LINGO2: variants seen among roughly 807,000 people sequenced by gnomAD.
LINGO2 encodes the protein leucine-rich repeat and immunoglobulin-like domain-containing nogo receptor-interacting protein 2.
In LINGO2, 14 loss-of-function variants were observed where a neutral mutation model predicts 30.6. The observed-to-expected ratio is 0.46, with a 90% CI of 0.30 to 0.72. The LOEUF (loss-of-function observed/expected upper bound fraction) is 0.72. Among genes scored for constraint, LINGO2 ranks in the 30% least tolerant of loss-of-function variants. LINGO2 has a pLI of 0.07. For synonymous variants in LINGO2, 317 were observed against 288.5 expected, an observed-to-expected ratio of 1.10 and a Z score of -1.00; for missense variants, 729 against 751.7, an observed-to-expected ratio of 0.97 and a Z score of 0.35.
Position 28,354,059 on chromosome 9 carries a change from G to A in LINGO2, c.-246+18777C>T, listed in dbSNP as rs547641124. 3.6e-3 allele frequency among the ~76,000 whole-genome samples: 548 copies of A among 152,124 alleles called. 5 individuals are homozygous for A. The highest frequency in any genetic ancestry group is 0.013 in the African/African-American group (523 of 41,482). On this transcript the variant is annotated intron_variant, in intron 3 of 5. Transcript: ENST00000379992. ...GGAGATATACCTAATGCTAGATGAC[G>A]AGTTAGTGGGTGCAGCGCACCAGCA...
chr9:28,138,886 A>G (rs1827596215), intron 4 of LINGO2, among the ~76,000 whole-genome samples: 1 of 152,188 alleles, frequency 6.6e-6, no homozygotes, highest in South Asian at 2.1e-4. Context: ...AGAAGGAGAG[A>G]GAAGTATCAA....
At chr9:28,042,748 TA>T (rs1313691037) in intron 4 of LINGO2, among the ~76,000 whole-genome samples, 1 of 152,200 alleles carries the variant, frequency 6.6e-6, no homozygotes, top group African/African-American at 2.4e-5. Flanking sequence ...AATATCATCT[TA>T]TATTCTTTAT....
rs767276801 is a variant in LINGO2 at position 28,021,540 on chromosome 9, CATT to C, written c.-86-9138_-86-9136del. 2.6e-4 allele frequency among the ~76,000 whole-genome samples: 39 copies of C among 152,054 alleles called. 1 individual carries two copies. Among genetic ancestry groups the C allele is most frequent in the Admixed American group, 9.8e-4 (15 of 15,260 alleles). On this transcript the variant is annotated intron_variant, in intron 4 of 5. Transcript: ENST00000379992. ...GTAGAGCTGTTTGGGTCAACTGTATCATTATTGATTGTCTGCCTGCTTGATTTA... is the reference window on the plus strand; with the variant it reads ...GTAGAGCTGTTTGGGTCAACTGTATCATTGATTGTCTGCCTGCTTGATTTA...
At chr9:28,391,703 A>G (rs771052669) in intron 2 of LINGO2, among the ~76,000 whole-genome samples, 1 of 151,978 alleles carries the variant, frequency 6.6e-6, no homozygotes, top group African/African-American at 2.4e-5. Context: ...TATTGCTGAT[A>G]TGCCCTTAAT....
At chr9:29,073,336 A>G in the LINGO2 span, among the ~76,000 whole-genome samples, 35,775 of 151,726 alleles carry the variant, frequency 0.24, 4,312 homozygotes, top group East Asian at 0.4. Context: ...CAGAGTACCT[A>G]TTATGTGTTA....
chr9:28,825,651 C>A, the LINGO2 span, among the ~76,000 whole-genome samples: 4 of 151,796 alleles, frequency 2.6e-5, no homozygotes, highest in Non-Finnish European at 4.4e-5. Context: ...TACATTAACC[C>A]TCCTGCAGTA....
At chr9:28,280,047 C>T (rs1277740119) in intron 4 of LINGO2, among the ~76,000 whole-genome samples, 1 of 152,028 alleles carries the variant, frequency 6.6e-6, no homozygotes, top group Non-Finnish European at 1.5e-5. Context: ...TATAAGATGG[C>T]AGATATTTAT....
intron 1 of LINGO2, among the ~76,000 whole-genome samples, chr9:28,629,271 G>A (rs992735789): frequency 2.0e-5 from 3 of 152,038 alleles, no homozygotes; most frequent in African/African-American, 7.2e-5. Flanking sequence ...GGGAGCCACT[G>A]GACAATTTCC....
chr9:28,989,541 A>G, the LINGO2 span, among the ~76,000 whole-genome samples: 2 of 152,152 alleles, frequency 1.3e-5, no homozygotes, highest in African/African-American at 2.4e-5. Context: ...ATATTCCACT[A>G]ATTCACTATA....
intron 4 of LINGO2, among the ~76,000 whole-genome samples, chr9:28,055,254 A>T (rs1053471582): frequency 3.3e-5 from 5 of 152,146 alleles, no homozygotes; most frequent in Non-Finnish European, 7.4e-5. Flanking sequence ...AGAAGCCTCA[A>T]ACTGATTTCC....
intron 4 of LINGO2, among the ~76,000 whole-genome samples, chr9:28,029,811 C>G (rs541042945): frequency 2.6e-5 from 4 of 152,294 alleles, no homozygotes; most frequent in African/African-American, 9.6e-5. Flanking sequence ...TGTACAAATT[C>G]TTCAACTGTT....
intron 1 of LINGO2, among the ~76,000 whole-genome samples, chr9:28,573,715 A>C (rs193195017): frequency 6.6e-6 from 1 of 152,264 alleles, no homozygotes; most frequent in African/African-American, 2.4e-5. Context: ...TTGATATTTT[A>C]TTATTTGTTG....
At chr9:28,377,208 C>A (rs1821163726) in intron 2 of LINGO2, among the ~76,000 whole-genome samples, 1 of 152,132 alleles carries the variant, frequency 6.6e-6, no homozygotes, top group South Asian at 2.1e-4. Flanking sequence ...CCTCCCCCAC[C>A]TCTTCTGCCT....
chr9:28,278,106 C>T (rs1429527022), intron 4 of LINGO2, among the ~76,000 whole-genome samples: 3 of 152,098 alleles, frequency 2.0e-5, no homozygotes, highest in Non-Finnish European at 4.4e-5. Context: ...TCCATTAAGC[C>T]AAAGCCTAAT....
intron 4 of LINGO2, among the ~76,000 whole-genome samples, chr9:28,146,833 T>A (rs1360404797): frequency 1.3e-5 from 2 of 152,254 alleles, no homozygotes; most frequent in Non-Finnish European, 2.9e-5. Flanking sequence ...TACTATGAAC[T>A]TGTAAATAAT....
chr9:28,366,884 T>C (rs1431921672), intron 3 of LINGO2, among the ~76,000 whole-genome samples: 4 of 152,110 alleles, frequency 2.6e-5, no homozygotes, highest in African/African-American at 9.7e-5. Context: ...ACCTGCTTTA[T>C]TCTTATCAAC....
At chr9:28,345,529 T>A (rs1819532407) in intron 3 of LINGO2, among the ~76,000 whole-genome samples, 1 of 152,178 alleles carries the variant, frequency 6.6e-6, no homozygotes, top group South Asian at 2.1e-4. Context: ...TTGAACTTGA[T>A]CATAGTATAG....
intron 4 of LINGO2, among the ~76,000 whole-genome samples, chr9:28,090,873 A>T (rs1826060275): frequency 6.6e-6 from 1 of 152,190 alleles, no homozygotes; most frequent in Non-Finnish European, 1.5e-5. Flanking sequence ...AAGTCTCAGG[A>T]TACAAAATCA....
chr9:29,127,858 G>T, the LINGO2 span, among the ~76,000 whole-genome samples: 522 of 152,156 alleles, frequency 3.4e-3, 1 homozygote, highest in African/African-American at 0.012. Flanking sequence ...GTGTTCAGGC[G>T]AATTAAACCC....
Sources: gnomAD v4.1 joint callset for allele counts (sites outside exome capture counted in the v4.1 genomes callset) on GRCh38, gnomAD v4.1.1 for gene constraint, MANE v1.5 for transcripts, NCBI Gene and HGNC (gene_info 2026-07-23, HGNC 2026-07-21) for gene names.